Variants in ANK1 observed in about 807,000 individuals in gnomAD.
The protein encoded by ANK1 is ankyrin 1, also known as ankyrin-1.
A neutral mutation model predicts 210.4 loss-of-function variants in ANK1; 51 were observed. The ratio of observed to expected loss-of-function variants is 0.24; its 90% CI spans 0.19 to 0.31. The LOEUF (loss-of-function observed/expected upper bound fraction) is 0.31. Among genes scored for constraint, ANK1 ranks in the 10% least tolerant of loss-of-function variants. The probability of loss-of-function intolerance (pLI) is 1.00; values close to 1 mark genes in which losing one functional copy is unlikely to be tolerated. For synonymous variants in ANK1, 967 were observed against 1,025.9 expected, an observed-to-expected ratio of 0.94 and a Z score of 1.10; for missense variants, 2,051 against 2,504.4, an observed-to-expected ratio of 0.82 and a Z score of 3.86.
intron 1 of ANK1, among the ~76,000 whole-genome samples, chr8:41,803,072 G>A (rs1563810866): frequency 3.4e-4 from 12 of 35,580 alleles, no homozygotes; most frequent in African/African-American, 1.3e-3. Context: ...AGGAAGGAAG[G>A]AAGGAAGGAA....
intron 1 of ANK1, among the ~76,000 whole-genome samples, chr8:41,833,242 C>T (rs752716470): frequency 1.3e-5 from 2 of 152,202 alleles, no homozygotes; most frequent in Non-Finnish European, 2.9e-5. Context: ...CCTAGATAGA[C>T]TCTGCACCCA....
chr8:41,728,641 G>C (rs1194205417), intron 3 of ANK1, among the ~76,000 whole-genome samples: 1 of 152,220 alleles, frequency 6.6e-6, no homozygotes, highest in Non-Finnish European at 1.5e-5. Context: ...GTGACACTGA[G>C]ATGTGCGGTT....
In ANK1 at chr8:41,757,895, G is replaced by C. The variant is rs573206193; in HGVS notation, c.129+141C>G. ...GCAGGAGTGGAAACAGCAAGGTTAG[G>C]GCCTTCCACAGGCAGGAGCCCTGGG... On this transcript the variant is annotated intron_variant, in intron 2 of 42. Coordinates refer to ENST00000289734, the MANE Select transcript of ANK1 (RefSeq NM_000037.4). The C allele has an allele frequency of 9.4e-4, 777 of 825,930 alleles. 2 individuals are homozygous for C. Among genetic ancestry groups the C allele is most frequent in the Non-Finnish European group, 1.5e-3 (712 of 482,236 alleles). The allele number at this position is 825,930 out of a possible 1,614,324, so 51.2% of individuals were successfully genotyped here.
rs548903464 is a variant in ANK1, at chr8:41,683,437, C to T, written c.4537+1107G>A. 3.9e-5 allele frequency among the ~76,000 whole-genome samples: 6 copies of T among 152,226 alleles called. No homozygotes were observed. In the East Asian group the frequency reaches 1.2e-3, roughly 30 times the overall value. ...GGTCCCCTGGTAGGGGCTCCGTGCC[C>T]AGGCCCACCTGGGACTCGCCCTCAG... On this transcript the variant is annotated intron_variant, in intron 37 of 42. Coordinates refer to ENST00000289734, the MANE Select transcript of ANK1 (RefSeq NM_000037.4).
chr8:41,672,050 G>A (rs1333915046), intron 38 of ANK1, among the ~76,000 whole-genome samples: 4 of 143,170 alleles, frequency 2.8e-5, no homozygotes, highest in South Asian at 2.3e-4. Context: ...GAGCTCTCCC[G>A]GTGCCCTAAT....
At chr8:41,754,525 G>T (rs1382075243) in intron 2 of ANK1, among the ~76,000 whole-genome samples, 1 of 152,214 alleles carries the variant, frequency 6.6e-6, no homozygotes, top group Non-Finnish European at 1.5e-5. Context: ...ATTTGAAAGT[G>T]TGTTACTTAT....
chr8:41,847,744 C>G (rs1246626880), intron 1 of ANK1, among the ~76,000 whole-genome samples: 1 of 152,194 alleles, frequency 6.6e-6, no homozygotes, highest in Non-Finnish European at 1.5e-5. Flanking sequence ...CCTTTTATCC[C>G]AGATTCCCCA....
At chr8:41,833,974 C>T (rs971144635) in intron 1 of ANK1, among the ~76,000 whole-genome samples, 1 of 152,128 alleles carries the variant, frequency 6.6e-6, no homozygotes, top group African/African-American at 2.4e-5. Flanking sequence ...GAGGGCCCTG[C>T]GTGGATAAAG....
chr8:41,656,101 G>A (rs1047536760), intron 42 of ANK1, among the ~76,000 whole-genome samples: 10 of 152,386 alleles, frequency 6.6e-5, no homozygotes, highest in African/African-American at 1.9e-4. Flanking sequence ...CCGTGCCTAC[G>A]TGGTCACCTG....
At chr8:41,658,951 G>A (rs1233527375) in intron 42 of ANK1, among the ~76,000 whole-genome samples, 1 of 152,106 alleles carries the variant, frequency 6.6e-6, no homozygotes, top group African/African-American at 2.4e-5. Context: ...CTGTGAACAC[G>A]GAATTAGCAA....
intron 42 of ANK1, among the ~76,000 whole-genome samples, chr8:41,659,541 C>T (rs973451481): frequency 1.3e-5 from 2 of 152,148 alleles, no homozygotes; most frequent in African/African-American, 4.8e-5. Context: ...GTCGGGGATG[C>T]GGATAGTAAA....
chr8:41,872,795 T>C (rs982707006), intron 1 of ANK1, among the ~76,000 whole-genome samples: 6 of 152,126 alleles, frequency 3.9e-5, no homozygotes, highest in Admixed American at 3.3e-4. Context: ...GAGTGACCTG[T>C]AGGAGGTCTG....
intron 1 of ANK1, among the ~76,000 whole-genome samples, chr8:41,848,640 C>T (rs1473635398): frequency 6.6e-6 from 1 of 152,202 alleles, no homozygotes; most frequent in Non-Finnish European, 1.5e-5. Context: ...CTTCTCCTTC[C>T]ACCTTGAAGG....
intron 2 of ANK1, among the ~76,000 whole-genome samples, chr8:41,743,557 G>A (rs1302990578): frequency 1.3e-5 from 2 of 152,204 alleles, no homozygotes; most frequent in African/African-American, 2.4e-5. Flanking sequence ...GCAGTGAACA[G>A]GGAGGTGCCC....
At position 41,777,396 on chromosome 8, in the gene ANK1, G is replaced by A. The variant is rs912996846; in HGVS notation, c.28-19259C>T. On this transcript the variant is annotated intron_variant, in intron 1 of 42. Coordinates refer to ENST00000289734, the MANE Select transcript of ANK1 (RefSeq NM_000037.4). The stretch of plus-strand genomic sequence containing the variant: ...TCGAGACCAGCCTGGCCAACATGGT[G>A]AAACCCCATCTCTACTAAAAATACA... Among the ~76,000 whole-genome samples, 10 of 152,074 alleles carry A rather than the reference G, an allele frequency of 6.6e-5. 1 individual carries two copies. The highest frequency in any genetic ancestry group is 2.4e-4 in the African/African-American group (10 of 41,406).
At chr8:41,851,671 C>T (rs970069044) in intron 1 of ANK1, among the ~76,000 whole-genome samples, 5 of 152,312 alleles carry the variant, frequency 3.3e-5, no homozygotes, top group African/African-American at 1.2e-4. Context: ...GGCAACACAG[C>T]AAGACCTCAT....
chr8:41,735,832 G>A (rs972573366), intron 2 of ANK1, among the ~76,000 whole-genome samples: 1 of 152,192 alleles, frequency 6.6e-6, no homozygotes, highest in African/African-American at 2.4e-5. Context: ...AAATATAACA[G>A]ATGCCTTGGA....
rs775673022 is a variant in ANK1, at chr8:41,734,073, T to C, written c.130-4A>G. The stretch of plus-strand genomic sequence containing the variant: ...GATGCAAGCCATTCAACCCATTCTG[T>C]AAAGAGCAGAGAGGCGGGAAGGGCA... On this transcript the variant is annotated splice_polypyrimidine_tract_variant and splice_region_variant and intron_variant, in intron 2 of 42. Transcript: ENST00000289734. 6.2e-7 allele frequency: 1 copy of C among 1,613,508 alleles called. No individual in the cohort carries two copies. Among genetic ancestry groups the C allele is most frequent in the South Asian group, 1.1e-5 (1 of 91,078 alleles).
At chr8:41,786,510 G>C (rs561848471) in intron 1 of ANK1, among the ~76,000 whole-genome samples, 22 of 152,328 alleles carry the variant, frequency 1.4e-4, no homozygotes, top group Middle Eastern at 3.4e-3. Flanking sequence ...TTATTCAAAG[G>C]CTAGGGACAA....
Sources: allele counts gnomAD v4.1 joint callset (sites outside exome capture counted in the v4.1 genomes callset), GRCh38; gene constraint gnomAD v4.1.1; transcripts MANE v1.5; gene names NCBI Gene and HGNC (gene_info 2026-07-23, HGNC 2026-07-21).